MAP2K3: variants seen among roughly 807,000 people sequenced by gnomAD.
MAP2K3 encodes the protein mitogen-activated protein kinase kinase 3.
Under a neutral mutation model 46.4 loss-of-function variants are expected in MAP2K3, and 30 were observed. The ratio of observed to expected loss-of-function variants is 0.65; its 90% confidence interval spans 0.48 to 0.88. The LOEUF (loss-of-function observed/expected upper bound fraction) is 0.88, where lower values mean the gene tolerates loss of function less well. Among genes scored for constraint, MAP2K3 ranks in the 40% least tolerant of loss-of-function variants. The probability of loss-of-function intolerance (pLI) is 0.00; values close to 1 mark genes in which losing one functional copy is unlikely to be tolerated. For missense variants in MAP2K3, 380 were observed against 464.5 expected (o/e 0.82, Z 1.67); for synonymous variants, 189 against 176.3 (o/e 1.07, Z -0.57).
intron 1 of MAP2K3, chr17:21,291,837 T>C (rs1302129731): frequency 2.9e-6 from 1 of 346,236 alleles, no homozygotes; most frequent in African/African-American, 2.1e-5. Context: ...CGAAGGACTG[T>C]CCTGGGAGCA....
intron 3 of MAP2K3, among the ~76,000 whole-genome samples, chr17:21,299,852 G>A (rs1388887619): frequency 1.3e-5 from 2 of 152,248 alleles, no homozygotes; most frequent in East Asian, 3.8e-4. Context: ...TGTGGTGGCA[G>A]GCGCCTATAA....
chr17:21,289,013 C>T (rs1488529008), intron 1 of MAP2K3, among the ~76,000 whole-genome samples: 1 of 152,232 alleles, frequency 6.6e-6, no homozygotes, highest in East Asian at 1.9e-4. Flanking sequence ...GTGAATGGCA[C>T]CTGTTATTAT....
At chr17:21,298,778 A>T in intron 2 of MAP2K3, 100 bp from the exon 3 acceptor site, 1 of 1,567,478 alleles carries the variant, frequency 6.4e-7, no homozygotes, top group Non-Finnish European at 8.8e-7. Flanking sequence ...GGCAGGAGGC[A>T]CCTCGTCCCC....
rs1976371832 is a variant in MAP2K3 at position 21,298,227 on chromosome 17, T to C, written c.50-186T>C. On this transcript the variant is annotated intron_variant, in intron 1 of 11. Transcript: ENST00000342679. Reference sequence around the variant, plus strand: ...CTGGGTCTGTCCTGCTCTGCTCCCCTGCAGGGCTGGTGGGCCTCCTTCCCC... The same window carrying C: ...CTGGGTCTGTCCTGCTCTGCTCCCCCGCAGGGCTGGTGGGCCTCCTTCCCC... 11 of 850,326 alleles carry C rather than the reference T, an allele frequency of 1.3e-5. No individual in the cohort carries two copies. In the Admixed American group the frequency reaches 1.7e-4, roughly 13 times the overall value. 52.7% of individuals were successfully genotyped at this position (850,326 alleles called of 1,614,324 possible).
intron 11 of MAP2K3, chr17:21,313,880 A>G (rs1018901679): frequency 3.5e-6 from 2 of 575,538 alleles, no homozygotes; most frequent in African/African-American, 3.8e-5. Context: ...GGCTGTCCCA[A>G]GCAGAAGGTC....
rs751951609 is a variant in MAP2K3 at position 21,303,173 on chromosome 17, C to A, written c.517-10C>A. 1 of 1,614,244 alleles carries A rather than the reference C, an allele frequency of 6.2e-7. No homozygotes were observed. The highest frequency in any genetic ancestry group is 1.1e-5 in the South Asian group (1 of 91,088). On this transcript the variant is annotated splice_polypyrimidine_tract_variant and intron_variant, in intron 6 of 11. Transcript: ENST00000342679. ...TCCTGTCTCTTCCCTCCTCCCCACC[C>A]CACCGCCAGATCGTGCGGGCCCTGG...
At chr17:21,301,680 G>A (rs1976609590) in intron 5 of MAP2K3, among the ~76,000 whole-genome samples, 1 of 152,308 alleles carries the variant, frequency 6.6e-6, no homozygotes, top group African/African-American at 2.4e-5. Flanking sequence ...GGTGCCCCCT[G>A]CGCATCTCCC....
At chr17:21,313,931 T>C in intron 11 of MAP2K3, 1 of 592,904 alleles carries the variant, frequency 1.7e-6, no homozygotes, top group East Asian at 2.8e-5. Flanking sequence ...GAAAGGGAGG[T>C]TAGTGTGGCT....
chr17:21,308,021 A>C (rs1976984044), intron 9 of MAP2K3, among the ~76,000 whole-genome samples: 1 of 150,716 alleles, frequency 6.6e-6, no homozygotes, highest in Non-Finnish European at 1.5e-5. Flanking sequence ...ACACCTGGCA[A>C]ATTTTTGTAT....
chr17:21,291,070 G>A (rs372500546), intron 1 of MAP2K3, among the ~76,000 whole-genome samples: 621 of 152,244 alleles, frequency 4.1e-3, no homozygotes, highest in African/African-American at 0.013. Flanking sequence ...GTAAAACCCC[G>A]TCTCTACTAA....
rs922184344 is a variant in MAP2K3, at chr17:21,314,689, G to T, written c.*459G>T. On this transcript the variant is annotated 3_prime_UTR_variant, in exon 12 of 12. Transcript: ENST00000342679. ...TGGCCACACCTCTATCCCGGCTTTG[G>T]TGCGGGGTACACAAGAGGGGATGAG... is the stretch of plus-strand genomic sequence containing the variant. 5.8e-6 allele frequency: 1 copy of T among 173,668 alleles called. No homozygotes were observed. Among genetic ancestry groups the T allele is most frequent in the African/African-American group, 2.4e-5 (1 of 41,942 alleles). 10.8% of individuals were successfully genotyped at this position (173,668 alleles called of 1,614,324 possible). A position where few individuals can be genotyped will look rare whatever the true frequency, so the allele number is the denominator to read the frequency against.
chr17:21,304,335 G>T, intron 7 of MAP2K3, 91 bp from the exon 8 acceptor site: 1 of 1,599,282 alleles, frequency 6.3e-7, no homozygotes, highest in African/African-American at 1.3e-5. Context: ...AGGGGTCTTG[G>T]GCGAGGGAGG....
rs1975683731 is a variant in MAP2K3, at chr17:21,284,947, C to A, written c.27C>A (p.Pro9=). The stretch of plus-strand genomic sequence containing the variant: ...TGGAGTCGCCCGCCTCGAGCCAGCC[C>A]GCCAGCATGCCCCAGTCCAAAGGTA... The part of the protein sequence containing the change: MESPASSQ[P]ASMPQSKGKS... Residue 9 remains proline (P), a synonymous_variant, in exon 1 of 12, where the codon CCC becomes CCA. Coordinates refer to ENST00000342679, the MANE Select transcript of MAP2K3 (RefSeq NM_145109.3). 1.2e-6 allele frequency: 2 copies of A among 1,612,382 alleles called. No homozygotes were observed. The highest frequency in any genetic ancestry group is 1.7e-6 in the Non-Finnish European group (2 of 1,179,654).
chr17:21,296,137 T>C (rs759294230), intron 1 of MAP2K3: 1 of 1,289,622 alleles, frequency 7.8e-7, no homozygotes, highest in South Asian at 1.2e-5. Context: ...CAGGTCCCCA[T>C]CTGCGCAGTG....
intron 9 of MAP2K3, among the ~76,000 whole-genome samples, chr17:21,308,155 C>CTTTTTTTT (rs764822853): frequency 1.2e-5 from 1 of 82,174 alleles, no homozygotes; most frequent in African/African-American, 4.5e-5. Flanking sequence ...TGTGCCTGGC[C>CTTTTTTTT]TTTTTTTTTT....
chr17:21,312,382 C>T, intron 10 of MAP2K3, 101 bp downstream of exon 10: 1 of 1,266,212 alleles, frequency 7.9e-7, no homozygotes, highest in Non-Finnish European at 1.0e-6. Context: ...CAAATAAACC[C>T]CCAGATGACT....
chr17:21,304,731 G>C (rs4986017), intron 8 of MAP2K3, among the ~76,000 whole-genome samples, 178 bp downstream of exon 8: 16 of 152,288 alleles, frequency 1.1e-4, no homozygotes, highest in South Asian at 6.2e-4. Context: ...TCTGTACCCC[G>C]TTGTTAACTG....
At position 21,315,131 on chromosome 17, in the gene MAP2K3, A is replaced by C. The variant is rs1977343364; in HGVS notation, c.*901A>C. Reference sequence around the variant, plus strand: ...TTGGTGTTGTTTTTAAAAAAAGAAAATATATTTTTTTGAAAAAACGACTGC... The same window carrying C: ...TTGGTGTTGTTTTTAAAAAAAGAAACTATATTTTTTTGAAAAAACGACTGC... On this transcript the variant is annotated 3_prime_UTR_variant, in exon 12 of 12. Coordinates refer to ENST00000342679, the MANE Select transcript of MAP2K3 (RefSeq NM_145109.3). 1 of 152,000 alleles carries C rather than the reference A, an allele frequency of 6.6e-6. No individual in the cohort carries two copies. Among genetic ancestry groups the C allele is most frequent in the African/African-American group, 2.4e-5 (1 of 41,340 alleles). 9.4% of individuals were successfully genotyped at this position (152,000 alleles called of 1,614,324 possible). A position where few individuals can be genotyped will look rare whatever the true frequency, so the allele number is the denominator to read the frequency against.
chr17:21,293,449 T>G (rs1976058242), intron 1 of MAP2K3, among the ~76,000 whole-genome samples: 1 of 152,308 alleles, frequency 6.6e-6, no homozygotes, highest in Non-Finnish European at 1.5e-5. Context: ...GAGGACCCTC[T>G]GGCAGCCATG....
Sources: allele counts gnomAD v4.1 joint callset (sites outside exome capture counted in the v4.1 genomes callset), GRCh38; gene constraint gnomAD v4.1.1; transcripts MANE v1.5; gene names NCBI Gene and HGNC (gene_info 2026-07-23, HGNC 2026-07-21).